EYA1: variants seen among roughly 807,000 people sequenced by gnomAD.
EYA1 encodes the protein protein phosphatase EYA1.
Under a neutral mutation model 82.0 loss-of-function variants are expected in EYA1, and 16 were observed. That is an observed-to-expected ratio of 0.20 (90% CI 0.13 to 0.30). EYA1 has a LOEUF of 0.30. EYA1 is among the 10% of genes least tolerant of loss of function. The pLI is 1.00. For missense variants in EYA1, 633 were observed against 730.7 expected, an observed-to-expected ratio of 0.87 and a Z score of 1.54; for synonymous variants, 261 against 264.4, an observed-to-expected ratio of 0.99 and a Z score of 0.12.
intron 2 of EYA1, among the ~76,000 whole-genome samples, chr8:71,446,352 G>A (rs1259781580): frequency 6.6e-6 from 1 of 152,044 alleles, no homozygotes; most frequent in Non-Finnish European, 1.5e-5. Flanking sequence ...GAGTTTGACA[G>A]TTCCGCCTTC....
chr8:71,422,554 A>T (rs1437368425), intron 2 of EYA1, among the ~76,000 whole-genome samples: 1 of 152,218 alleles, frequency 6.6e-6, no homozygotes, highest in Non-Finnish European at 1.5e-5. Flanking sequence ...CTACTGTATT[A>T]GTCCATTCTC....
intron 2 of EYA1, among the ~76,000 whole-genome samples, chr8:71,468,087 T>A (rs1808909403): frequency 6.6e-6 from 1 of 152,140 alleles, no homozygotes; most frequent in Admixed American, 6.6e-5. Flanking sequence ...ATTTAAGTAC[T>A]AAGACCACAT....
Position 71,299,140 on chromosome 8 carries a change from T to C in EYA1, c.733A>G (p.Thr245Ala). ...YPAHYMTSSN[T>A]SPTTPSTNAT... is the part of the protein sequence containing the mutation. The stretch of plus-strand genomic sequence containing the variant: ...TTGGTGGATGGTGTCGTTGGGCTGG[T>C]GTTGCTGCTGGTCATATAATGTGCT... The change falls in exon 9 of 18, where the codon ACC becomes GCC. Residue 245 changes from threonine to alanine, a missense_variant. Coordinates refer to ENST00000340726, the MANE Select transcript of EYA1 (RefSeq NM_000503.6). 1 of 1,614,178 alleles carries C rather than the reference T, an allele frequency of 6.2e-7. No individual in the cohort carries two copies. Among genetic ancestry groups the C allele is most frequent in the East Asian group, 2.2e-5 (1 of 44,872 alleles).
intron 2 of EYA1, among the ~76,000 whole-genome samples, chr8:71,533,286 A>G (rs1171623993): frequency 6.6e-6 from 1 of 152,236 alleles, no homozygotes; most frequent in Non-Finnish European, 1.5e-5. Flanking sequence ...TATCTTAAAA[A>G]ACTGTAAAGA....
intron 1 of EYA1, among the ~76,000 whole-genome samples, chr8:71,357,667 AATT>A (rs1486546130): frequency 6.6e-6 from 1 of 152,198 alleles, no homozygotes; most frequent in Non-Finnish European, 1.5e-5. Context: ...GTTATTTTTA[AATT>A]ATGATTTATG....
chr8:71,206,036 G>A (rs949301711), intron 17 of EYA1, among the ~76,000 whole-genome samples: 2 of 152,076 alleles, frequency 1.3e-5, no homozygotes, highest in African/African-American at 4.8e-5. Context: ...TCAGAATTAT[G>A]TGTTTTAAAA....
intron 2 of EYA1, among the ~76,000 whole-genome samples, chr8:71,387,591 G>T (rs912854137): frequency 2.0e-5 from 3 of 152,080 alleles, no homozygotes; most frequent in African/African-American, 7.2e-5. Flanking sequence ...TTATGGTAGA[G>T]CTCAGGAACA....
At chr8:71,485,972 C>G (rs745458873) in intron 2 of EYA1, among the ~76,000 whole-genome samples, 1 of 152,190 alleles carries the variant, frequency 6.6e-6, no homozygotes, top group South Asian at 2.1e-4. Flanking sequence ...TGTGAAGTCA[C>G]TGCCCCTACC....
intron 3 of EYA1, among the ~76,000 whole-genome samples, chr8:71,350,153 C>A (rs906162250): frequency 3.3e-5 from 5 of 152,034 alleles, no homozygotes; most frequent in Non-Finnish European, 7.4e-5. Flanking sequence ...GTTATATTAC[C>A]ATGTTTCTAT....
chr8:71,246,595 A>G (rs898948155), intron 11 of EYA1, among the ~76,000 whole-genome samples: 4 of 152,210 alleles, frequency 2.6e-5, no homozygotes, highest in Admixed American at 2.6e-4. Flanking sequence ...GAGGAGGCCT[A>G]GACTGTAGGC....
intron 7 of EYA1, among the ~76,000 whole-genome samples, chr8:71,308,831 C>A (rs563651372): frequency 1.6e-4 from 25 of 151,964 alleles, no homozygotes; most frequent in Non-Finnish European, 2.9e-4. Flanking sequence ...CCTGCTGGGG[C>A]CTGTCTGTAC....
chr8:71,350,590 T>C (rs1196883245), intron 3 of EYA1, among the ~76,000 whole-genome samples: 1 of 152,206 alleles, frequency 6.6e-6, no homozygotes, highest in Non-Finnish European at 1.5e-5. Flanking sequence ...GCAGTGAAGA[T>C]TCCAATTGCA....
At chr8:71,346,464 A>G (rs563181958) in intron 3 of EYA1, among the ~76,000 whole-genome samples, 4 of 144,652 alleles carry the variant, frequency 2.8e-5, no homozygotes, top group African/African-American at 7.6e-5. Context: ...ATCTATATAT[A>G]TCCTTCTCCC....
In EYA1 at chr8:71,472,136, T is replaced by C. The variant is rs559866123; in HGVS notation, c.33+63608A>G. On this transcript the variant is annotated intron_variant, in intron 2 of 18. Coordinates refer to the EYA1 transcript ENST00000643681. ...CTATTTTGCAACTGCGTTTCTCTCT[T>C]TTGTGAAACTGTTCTGTATGCCTGT... is the stretch of plus-strand genomic sequence containing the variant. Among the ~76,000 whole-genome samples the C allele has an allele frequency of 2.0e-5, 3 of 152,274 alleles. No individual in the cohort carries two copies. In the East Asian group the frequency reaches 5.8e-4, roughly 29 times the overall value.
At chr8:71,406,811 T>C (rs925599803) in intron 2 of EYA1, among the ~76,000 whole-genome samples, 3 of 145,884 alleles carry the variant, frequency 2.1e-5, no homozygotes, top group African/African-American at 2.5e-5. Flanking sequence ...GCGCCCGCCA[T>C]TGCCCAGGCT....
intron 2 of EYA1, among the ~76,000 whole-genome samples, chr8:71,513,208 C>A (rs1205800936): frequency 6.6e-6 from 1 of 151,586 alleles, no homozygotes; most frequent in African/African-American, 2.4e-5. Flanking sequence ...AGAATGGTGA[C>A]AAAATGTAAA....
chr8:71,262,766 C>A (rs1179573262), intron 11 of EYA1, among the ~76,000 whole-genome samples: 1 of 152,164 alleles, frequency 6.6e-6, no homozygotes, highest in Non-Finnish European at 1.5e-5. Flanking sequence ...AAGAGAGAAA[C>A]CTTCAAGATA....
intron 2 of EYA1, among the ~76,000 whole-genome samples, chr8:71,499,857 A>G (rs1811684910): frequency 6.6e-6 from 1 of 152,242 alleles, no homozygotes; most frequent in South Asian, 2.1e-4. Flanking sequence ...TTCTGGCTGC[A>G]TATGCCAGAA....
At chr8:71,444,044 C>T (rs979514464) in intron 2 of EYA1, among the ~76,000 whole-genome samples, 6 of 152,106 alleles carry the variant, frequency 3.9e-5, no homozygotes, top group Admixed American at 1.3e-4. Context: ...AAAGATCTAC[C>T]GACTGAGTGA....
Sources: gnomAD v4.1 joint callset for allele counts (sites outside exome capture counted in the v4.1 genomes callset) on GRCh38, gnomAD v4.1.1 for gene constraint, MANE v1.5 for transcripts, NCBI Gene and HGNC (gene_info 2026-07-23, HGNC 2026-07-21) for gene names.